The following SNTG1 variants were observed in gnomAD, a reference collection of about 807,000 sequenced individuals.
SNTG1 encodes the protein gamma-1-syntrophin.
Under a neutral mutation model 74.7 loss-of-function variants are expected in SNTG1, and 39 were observed. The ratio of observed to expected loss-of-function variants is 0.52; its 90% CI spans 0.40 to 0.68. The LOEUF (loss-of-function observed/expected upper bound fraction) is 0.68. Ranked by LOEUF, SNTG1 falls within the 30% of genes least tolerant of loss-of-function variation. The probability of loss-of-function intolerance (pLI) is 0.00; values close to 1 mark genes in which losing one functional copy is unlikely to be tolerated. For missense variants in SNTG1, 685 were observed against 609.5 expected, an observed-to-expected ratio of 1.12 and a Z score of -1.30; for synonymous variants, 254 against 217.1, an observed-to-expected ratio of 1.17 and a Z score of -1.49.
At position 49,958,722 on chromosome 8, in the gene SNTG1, A is replaced by G. The variant is rs190463051; in HGVS notation, c.-103+46491A>G. Among the ~76,000 whole-genome samples, 60 of 152,294 alleles carry G rather than the reference A, an allele frequency of 3.9e-4. No individual in the cohort carries two copies. In the Middle Eastern group the frequency reaches 0.01, roughly 26 times the overall value. On this transcript the variant is annotated intron_variant, in intron 1 of 18. Coordinates refer to ENST00000642720, the MANE Select transcript of SNTG1 (RefSeq NM_018967.5). Reference sequence around the variant, plus strand: ...GCGTGAGCCACTACGCCCAGCCAACATTTTCCTTCTAATCCAAGAATTTAC... The same window carrying G: ...GCGTGAGCCACTACGCCCAGCCAACGTTTTCCTTCTAATCCAAGAATTTAC...
intron 1 of SNTG1, among the ~76,000 whole-genome samples, chr8:50,008,242 C>T (rs994749009): frequency 2.0e-5 from 3 of 152,160 alleles, no homozygotes; most frequent in African/African-American, 7.2e-5. Context: ...TTTCCGGTAG[C>T]TGACATCACA....
At chr8:50,373,288 C>T (rs189572862) in intron 2 of SNTG1, among the ~76,000 whole-genome samples, 30 of 152,230 alleles carry the variant, frequency 2.0e-4, no homozygotes, top group South Asian at 6.2e-4. Flanking sequence ...TATGTTTTCA[C>T]GAAATACAGA....
At chr8:50,239,569 G>A (rs1202235212) in intron 2 of SNTG1, among the ~76,000 whole-genome samples, 1 of 152,172 alleles carries the variant, frequency 6.6e-6, no homozygotes, top group Non-Finnish European at 1.5e-5. Context: ...ATGAGGACCA[G>A]TTGGCAATGG....
At chr8:50,618,880 T>C (rs574988249) in intron 13 of SNTG1, among the ~76,000 whole-genome samples, 1 of 96,960 alleles carries the variant, frequency 1.0e-5, no homozygotes, top group East Asian at 3.8e-4. Context: ...GATGGAATTA[T>C]ATATGTGTAT....
chr8:50,115,782 TG>T (rs2131330660), intron 1 of SNTG1, among the ~76,000 whole-genome samples: 1 of 152,186 alleles, frequency 6.6e-6, no homozygotes, highest in Non-Finnish European at 1.5e-5. Flanking sequence ...ATCATTTTTT[TG>T]CAAGGTATGA....
At chr8:50,564,961 A>G (rs1228360994) in intron 12 of SNTG1, among the ~76,000 whole-genome samples, 2 of 152,076 alleles carry the variant, frequency 1.3e-5, no homozygotes, top group Non-Finnish European at 2.9e-5. Flanking sequence ...GACAAACCTA[A>G]CAAACGCTAC....
At chr8:50,457,510 GT>G (rs1385625689) in intron 8 of SNTG1, among the ~76,000 whole-genome samples, 5 of 152,180 alleles carry the variant, frequency 3.3e-5, no homozygotes, top group African/African-American at 1.2e-4. Context: ...TAGGCAAAAT[GT>G]TTTTACTTCT....
intron 2 of SNTG1, among the ~76,000 whole-genome samples, chr8:50,210,729 A>G (rs2084481200): frequency 6.6e-6 from 1 of 152,182 alleles, no homozygotes; most frequent in South Asian, 2.1e-4. Flanking sequence ...TAATGATTAA[A>G]ACTTAAAGGA....
chr8:50,482,092 A>G (rs1437681971), intron 8 of SNTG1, among the ~76,000 whole-genome samples: 2 of 152,168 alleles, frequency 1.3e-5, no homozygotes, highest in East Asian at 3.9e-4. Context: ...GCCCTAATCA[A>G]TCTGTCAAGA....
chr8:50,219,128 T>C (rs1347195132), intron 2 of SNTG1, among the ~76,000 whole-genome samples: 1 of 152,168 alleles, frequency 6.6e-6, no homozygotes, highest in Admixed American at 6.5e-5. Flanking sequence ...TTGGCTTATA[T>C]GGAAGGAGGA....
At chr8:50,090,152 A>G (rs2079665230) in intron 1 of SNTG1, among the ~76,000 whole-genome samples, 1 of 152,172 alleles carries the variant, frequency 6.6e-6, no homozygotes, top group South Asian at 2.1e-4. Flanking sequence ...TTTCTTCTTA[A>G]ATATTATAAA....
chr8:50,091,140 G>A (rs1171856270), intron 1 of SNTG1, among the ~76,000 whole-genome samples: 1 of 152,006 alleles, frequency 6.6e-6, no homozygotes, highest in East Asian at 1.9e-4. Context: ...TGGAGCAAGA[G>A]AAAATGAGAT....
At chr8:50,570,788 T>C (rs774906956) in intron 12 of SNTG1, among the ~76,000 whole-genome samples, 4 of 151,422 alleles carry the variant, frequency 2.6e-5, no homozygotes, top group South Asian at 4.2e-4. Flanking sequence ...TATTTTTTAG[T>C]AGAGACAGGG....
In SNTG1 at chr8:50,674,076, G is replaced by A. The variant is rs1049614849; in HGVS notation, c.1038+15413G>A. Among the ~76,000 whole-genome samples the A allele has an allele frequency of 3.3e-5, 5 of 152,128 alleles. 1 individual carries two copies. The highest frequency in any genetic ancestry group is 1.2e-4 in the African/African-American group (5 of 41,432). On this transcript the variant is annotated intron_variant, in intron 15 of 18. Transcript: ENST00000642720. Reference sequence around the variant, plus strand: ...TTTGATGTGCTGCTGGATTCGGTTTGCCAGTATTTTATTGAAGATTTCACA... The same window carrying A: ...TTTGATGTGCTGCTGGATTCGGTTTACCAGTATTTTATTGAAGATTTCACA...
At chr8:50,736,205 T>C (rs1165854636) in intron 17 of SNTG1, among the ~76,000 whole-genome samples, 3 of 151,262 alleles carry the variant, frequency 2.0e-5, no homozygotes, top group Non-Finnish European at 4.4e-5. Flanking sequence ...ATGAAGAAAC[T>C]GCATCAACTA....
chr8:50,670,190 A>G (rs1402087728), intron 15 of SNTG1, among the ~76,000 whole-genome samples: 1 of 152,220 alleles, frequency 6.6e-6, no homozygotes, highest in Non-Finnish European at 1.5e-5. Context: ...AGTTCTGGCC[A>G]GGGCGATTAA....
upstream of SNTG1, among the ~76,000 whole-genome samples, chr8:49,910,222 G>T (rs947128809): frequency 1.3e-5 from 2 of 152,162 alleles, no homozygotes; most frequent in African/African-American, 4.8e-5. Context: ...CCGGGGAAGG[G>T]AGGCCAGGAG....
At chr8:50,486,012 T>C (rs1157682923) in intron 8 of SNTG1, among the ~76,000 whole-genome samples, 4 of 152,150 alleles carry the variant, frequency 2.6e-5, no homozygotes, top group Non-Finnish European at 4.4e-5. Context: ...AGGGCTCTGT[T>C]CTGTTCCATT....
In SNTG1 at chr8:50,708,957, C is replaced by G. The variant is rs759169642; in HGVS notation, c.1263C>G (p.Ile421Met). 3.7e-6 allele frequency: 6 copies of G among 1,613,552 alleles called. No individual in the cohort carries two copies. In the African/African-American group the frequency reaches 5.3e-5, roughly 14 times the overall value. Residue 421 changes from isoleucine to methionine, a missense_variant, in exon 17 of 19, where the codon ATC becomes ATG. By Grantham distance (10) the Ile-to-Met change is conservative. Transcript: ENST00000642720. ...GLTIDFSTGF[I>M]CFDAATKAVL... is the part of the protein sequence containing the mutation. ...CAATTGATTTCAGCACAGGATTTAT[C>G]TGCTTTGATGCTGCAACAAAGGTAA...
Sources: gnomAD v4.1 joint callset for allele counts (sites outside exome capture counted in the v4.1 genomes callset) on GRCh38, gnomAD v4.1.1 for gene constraint, MANE v1.5 for transcripts, NCBI Gene and HGNC (gene_info 2026-07-23, HGNC 2026-07-21) for gene names.